Variants in ADCY4 observed in about 807,000 individuals in gnomAD.
ADCY4 encodes adenylate cyclase type 4.
A neutral mutation model predicts 125.5 loss-of-function variants in ADCY4; 111 were observed. That is an observed-to-expected ratio of 0.88 (90% CI 0.76 to 1.04). The LOEUF is 1.04. Among genes scored for constraint, ADCY4 ranks in the 50% least tolerant of loss-of-function variants. The pLI is 0.00. For synonymous variants in ADCY4, 576 were observed against 586.9 expected (o/e 0.98, Z 0.27); for missense variants, 1,256 against 1,382.9 (o/e 0.91, Z 1.46).
At position 24,330,276 on chromosome 14, in the gene ADCY4, A is replaced by T; in HGVS notation, c.950T>A (p.Ile317Asn). 1 of 1,614,184 alleles carries T rather than the reference A, an allele frequency of 6.2e-7. No homozygotes were observed. Among genetic ancestry groups the T allele is most frequent in the Non-Finnish European group, 8.5e-7 (1 of 1,180,038 alleles). ...GTAGTAACAGTCCCCCAGGATCTTG[A>T]TCCGCATGCATTCATGCTCCTGGGA... ...QIAKEHECMR[I>N]KILGDCYYCV... The change falls in exon 7 of 25, where the codon ATC becomes AAC. Residue 317 changes from isoleucine (I) to asparagine (N), a missense_variant. By Grantham distance (149) the Ile-to-Asn change is moderately radical. Transcript: ENST00000418030.
chr14:24,319,656 G>T lies in ADCY4; in HGVS notation c.2733+86C>A. The T allele has an allele frequency of 6.4e-7, 1 of 1,553,534 alleles. No individual in the cohort carries two copies. The highest frequency in any genetic ancestry group is 8.8e-7 in the Non-Finnish European group (1 of 1,131,460). Reference sequence around the variant, plus strand: ...CTGTGGAGGGGAGGATTGACTTCATGGCCAGAAAAGCAAAGTGGAAGGAGG... The same window carrying T: ...CTGTGGAGGGGAGGATTGACTTCATTGCCAGAAAAGCAAAGTGGAAGGAGG... On this transcript the variant is annotated intron_variant, in intron 21 of 24. Transcript: ENST00000418030. This position sits in a 1 kb window ranked among gnomAD's most constrained non-coding sequence, Gnocchi z 4.5.
At position 24,332,635 on chromosome 14, in the gene ADCY4, A is replaced by C. The variant is rs527705213; in HGVS notation, c.406T>G (p.Leu136Val). The C allele has an allele frequency of 4.0e-5, 64 of 1,586,210 alleles. 2 individuals are homozygous for C. The South Asian group carries it at 7.2e-4, about 18-fold the overall frequency. ...VIFTAYAMLP[L>V]GMRDAAVAGL... ...GCGACGGCGGCGTCCCGCATGCCCA[A>C]GGGCAGCATGGCATACGCCGTGAAG... is the stretch of plus-strand genomic sequence containing the variant. Residue 136 changes from leucine (L) to valine (V), a missense_variant, in exon 3 of 25, where the codon TTG (leucine) becomes GTG (valine). Coordinates refer to ENST00000418030, the MANE Select transcript of ADCY4 (RefSeq NM_001198568.2).
intron 8 of ADCY4, 63 bp from the exon 9 acceptor site, chr14:24,329,596 C>T (rs2042008144): frequency 6.7e-7 from 1 of 1,496,508 alleles, no homozygotes; most frequent in African/African-American, 1.4e-5. Context: ...TTTCCTGCCC[C>T]ATCACCCCCA....
intron 3 of ADCY4, 43 bp from the exon 4 acceptor site, chr14:24,331,980 C>T (rs750583387): frequency 2.0e-6 from 3 of 1,487,850 alleles, no homozygotes; most frequent in South Asian, 2.6e-5. Context: ...GACCCGGGTG[C>T]TTGTCGTGTG....
Position 24,331,171 on chromosome 14 carries a change from C to T in ADCY4, c.818+37G>A, listed in dbSNP as rs774294142. 1.9e-6 allele frequency: 3 copies of T among 1,613,442 alleles called. No individual in the cohort carries two copies. The African/African-American group carries it at 4.0e-5, about 22-fold the overall frequency. ...GTGTCAGCAGGGCCAGGGTCTTAGC[C>T]CACAGGCCCCTCCCCTCCAGCCATT... On this transcript the variant is annotated intron_variant, in intron 5 of 24. Coordinates refer to ENST00000418030, the MANE Select transcript of ADCY4 (RefSeq NM_001198568.2).
At chr14:24,333,915 C>T (rs1245961339) in intron 1 of ADCY4, among the ~76,000 whole-genome samples, 1 of 152,178 alleles carries the variant, frequency 6.6e-6, no homozygotes, top group Admixed American at 6.5e-5. Flanking sequence ...CACCTCTTCC[C>T]GGATTTAGGC....
At position 24,319,780 on chromosome 14, in the gene ADCY4, G is replaced by A; in HGVS notation, c.2695C>T (p.Leu899=). 6.2e-7 allele frequency: 1 copy of A among 1,614,180 alleles called. No homozygotes were observed. The highest frequency in any genetic ancestry group is 8.5e-7 in the Non-Finnish European group (1 of 1,180,036). The change falls in exon 21 of 25, where the codon CTG becomes TTG. Residue 899 remains leucine (L), a synonymous_variant. Transcript: ENST00000418030. The surrounding 1 kb of genome is among the most constrained non-coding windows in gnomAD (Gnocchi z 4.5). Reference sequence around the variant, plus strand: ...GCAATTATCTCATTGAGCAGCCTCAGACACTCTAGGCCCTCATGATTGATG... The same window carrying A: ...GCAATTATCTCATTGAGCAGCCTCAAACACTCTAGGCCCTCATGATTGATG... The part of the protein sequence containing the change: ...SNINHEGLEC[L]RLLNEIIADF...
chr14:24,331,503 C>T (rs2042041021), intron 4 of ADCY4, 147 bp from the exon 5 acceptor site: 6 of 1,109,784 alleles, frequency 5.4e-6, no homozygotes, highest in Non-Finnish European at 6.3e-6. Flanking sequence ...CAGCAGGGCC[C>T]CAGCACTCCA....
chr14:24,321,884 G>A, intron 20 of ADCY4, 182 bp downstream of exon 20: 1 of 1,339,520 alleles, frequency 7.5e-7, no homozygotes, highest in Non-Finnish European at 9.6e-7. Flanking sequence ...AATTTGAAAT[G>A]CAGTTTTGTG....
chr14:24,321,736 T>C, intron 20 of ADCY4: 1 of 987,178 alleles, frequency 1.0e-6, no homozygotes, highest in Non-Finnish European at 1.2e-6. Flanking sequence ...GTAGCCCAGT[T>C]CCCAACAGGT....
rs2041902300 is a variant in ADCY4, at chr14:24,324,202, G to A, written c.1909-3C>T. ...TTGGGGCCTTTCAGGACACACCTCT[G>A]TGGAGGGAGCATGGGCATCTTAGCC... On this transcript the variant is annotated splice_region_variant and splice_polypyrimidine_tract_variant and intron_variant, in intron 15 of 24. Coordinates refer to ENST00000418030, the MANE Select transcript of ADCY4 (RefSeq NM_001198568.2). 1 of 1,614,250 alleles carries A rather than the reference G, an allele frequency of 6.2e-7. No individual in the cohort carries two copies. The highest frequency in any genetic ancestry group is 1.1e-5 in the South Asian group (1 of 91,090).
rs775994908 is a variant in ADCY4, at chr14:24,331,949, G to C, written c.520-12C>G. On this transcript the variant is annotated splice_polypyrimidine_tract_variant and intron_variant, in intron 3 of 24. Transcript: ENST00000418030. ...GCGTTTGCTGCCAACTGTGGGTGAA[G>C]GCCAGCCTCAGAGGGCGCGGGACCC... 2.6e-6 allele frequency: 4 copies of C among 1,550,258 alleles called. No homozygotes were observed. Among genetic ancestry groups the C allele is most frequent in the Non-Finnish European group, 3.5e-6 (4 of 1,140,586 alleles).
Position 24,322,515 on chromosome 14 carries a change from G to A in ADCY4, c.2427+109C>T, listed in dbSNP as rs571548622. ...GAGAAGAAAGGAAGCAGGAAGGCTC[G>A]CTTAGAAGCTTCCAATGGGCATTCA... On this transcript the variant is annotated intron_variant, in intron 19 of 24. Coordinates refer to ENST00000418030, the MANE Select transcript of ADCY4 (RefSeq NM_001198568.2). 52 of 1,198,746 alleles carry A rather than the reference G, an allele frequency of 4.3e-5. No homozygotes were observed. In the African/African-American group the frequency reaches 6.9e-4, roughly 16 times the overall value. 74.3% of individuals were successfully genotyped at this position (1,198,746 alleles called of 1,614,324 possible). A position where few individuals can be genotyped will look rare whatever the true frequency, so the allele number is the denominator to read the frequency against.
intron 6 of ADCY4, 136 bp downstream of exon 6, chr14:24,330,882 T>G: frequency 1.4e-6 from 1 of 729,884 alleles, no homozygotes; most frequent in Non-Finnish European, 2.2e-6. Context: ...GGTTTCCTCC[T>G]TCCACTGGAA....
chr14:24,333,346 G>A (rs1417708655), intron 1 of ADCY4, among the ~76,000 whole-genome samples: 3 of 151,870 alleles, frequency 2.0e-5, no homozygotes, highest in African/African-American at 7.3e-5. Flanking sequence ...TCAGCCTCCC[G>A]AGTAGCTGGG....
In ADCY4 at chr14:24,322,367, T is replaced by C. The variant is rs1010480094; in HGVS notation, c.2428-143A>G. On this transcript the variant is annotated intron_variant, in intron 19 of 24. Transcript: ENST00000418030. ...AGTAGAGCTTAAGGTGTAAGTATAC[T>C]TGGAGAGAGACTATCCTTGAAATTA... The C allele has an allele frequency of 5.1e-6, 5 of 972,872 alleles. No individual in the cohort carries two copies. The African/African-American group carries it at 6.6e-5, about 13-fold the overall frequency. The allele number at this position is 972,872 out of a possible 1,614,324, so 60.3% of individuals were successfully genotyped here.
chr14:24,320,002 G>A, intron 20 of ADCY4, 114 bp from the exon 21 acceptor site: 1 of 1,319,340 alleles, frequency 7.6e-7, no homozygotes, highest in East Asian at 2.4e-5. Context: ...TGTTTAAGAA[G>A]AATTGGGAAG....
chr14:24,334,433 A>G, intron 1 of ADCY4, 61 bp downstream of exon 1: 1 of 1,489,112 alleles, frequency 6.7e-7, no homozygotes, highest in Non-Finnish European at 8.9e-7. Flanking sequence ...AGACCCCACA[A>G]ACCCCAACCC....
chr14:24,319,561 G>A lies in ADCY4; in HGVS notation c.2734-125C>T. On this transcript the variant is annotated intron_variant, in intron 21 of 24. Coordinates refer to ENST00000418030, the MANE Select transcript of ADCY4 (RefSeq NM_001198568.2). The surrounding 1 kb of genome is among the most constrained non-coding windows in gnomAD (Gnocchi z 4.5). ...GTGGGAGTGGAGATAGTGTCAGGAA[G>A]GAGAGGGTTGGTGGTGGGCAGTGTT... 5 of 1,240,682 alleles carry A rather than the reference G, an allele frequency of 4.0e-6. No individual in the cohort carries two copies. The highest frequency in any genetic ancestry group is 5.8e-6 in the Non-Finnish European group (5 of 867,464). The allele number at this position is 1,240,682 out of a possible 1,614,324, so 76.9% of individuals were successfully genotyped here.
Sources: allele counts gnomAD v4.1 joint callset (sites outside exome capture counted in the v4.1 genomes callset), GRCh38; gene constraint gnomAD v4.1.1; non-coding constraint Gnocchi (gnomAD v3.1); transcripts MANE v1.5; gene names NCBI Gene and HGNC (gene_info 2026-07-23, HGNC 2026-07-21).